Variants in MCTP1 observed in about 807,000 individuals in gnomAD.
MCTP1 encodes the protein multiple C2 and transmembrane domain containing 1.
A neutral mutation model predicts 120.6 loss-of-function variants in MCTP1; 69 were observed. The ratio of observed to expected loss-of-function variants is 0.57; its 90% CI spans 0.47 to 0.70. MCTP1 has a LOEUF of 0.70. Among genes scored for constraint, MCTP1 ranks in the 30% least tolerant of loss-of-function variants. The probability of loss-of-function intolerance (pLI) is 0.00; values close to 1 mark genes in which losing one functional copy is unlikely to be tolerated. For missense variants in MCTP1, 1,203 were observed against 1,248.8 expected, an observed-to-expected ratio of 0.96 and a Z score of 0.55; for synonymous variants, 529 against 493.1, an observed-to-expected ratio of 1.07 and a Z score of -0.96.
rs990995276 is a variant in MCTP1, at chr5:95,285,090, C to A, written c.-515G>T. 1.3e-5 allele frequency among the ~76,000 whole-genome samples: 2 copies of A among 152,166 alleles called. No individual in the cohort carries two copies. The highest frequency in any genetic ancestry group is 4.8e-5 in the African/African-American group (2 of 41,460). On this transcript the variant is annotated 5_prime_UTR_variant, in exon 1 of 23. Transcript: ENST00000515393. ...CGCACGCGGCTCACACAACAAGGCG[C>A]GTCTGGCTGGAGACTCCGGGGACCA...
chr5:94,812,742 C>T (rs984813726), intron 17 of MCTP1, among the ~76,000 whole-genome samples: 3 of 151,148 alleles, frequency 2.0e-5, no homozygotes, highest in African/African-American at 7.3e-5. Flanking sequence ...CATAGCACTC[C>T]AGCCTGAGCA....
intron 3 of MCTP1, among the ~76,000 whole-genome samples, chr5:94,951,705 A>G: frequency 6.6e-6 from 1 of 152,056 alleles, no homozygotes; most frequent in Non-Finnish European, 1.5e-5. Flanking sequence ...TATTACAAAG[A>G]TAATTCCTTT....
At chr5:94,828,989 G>T (rs1338644520) in intron 17 of MCTP1, among the ~76,000 whole-genome samples, 2 of 141,428 alleles carry the variant, frequency 1.4e-5, no homozygotes, top group African/African-American at 5.2e-5. Flanking sequence ...ACTGGGGTAT[G>T]AAAAAAACAA....
At chr5:95,056,189 A>G (rs980648993) in intron 1 of MCTP1, among the ~76,000 whole-genome samples, 1 of 152,232 alleles carries the variant, frequency 6.6e-6, no homozygotes, top group Non-Finnish European at 1.5e-5. Flanking sequence ...CACACATTTA[A>G]TATTCTAACT....
intron 1 of MCTP1, among the ~76,000 whole-genome samples, chr5:95,098,549 G>C (rs1372175627): frequency 6.6e-6 from 1 of 151,826 alleles, no homozygotes; most frequent in African/African-American, 2.4e-5. Flanking sequence ...AAATACCTAG[G>C]AATCCACCTT....
intron 12 of MCTP1, among the ~76,000 whole-genome samples, chr5:94,882,175 C>T (rs1279614382): frequency 1.3e-5 from 2 of 152,100 alleles, no homozygotes; most frequent in African/African-American, 4.8e-5. Flanking sequence ...GGATTGTATA[C>T]ATATACTGGT....
At chr5:95,224,885 AAAGTAC>A in intron 1 of MCTP1, among the ~76,000 whole-genome samples, 1 of 152,348 alleles carries the variant, frequency 6.6e-6, no homozygotes, top group South Asian at 2.1e-4. Context: ...TTCAAAGAGC[AAAGTAC>A]AAGTCTTTAA....
chr5:94,772,730 G>C (rs544660111), intron 19 of MCTP1, among the ~76,000 whole-genome samples: 1 of 152,182 alleles, frequency 6.6e-6, no homozygotes, highest in Non-Finnish European at 1.5e-5. Flanking sequence ...GGGGTGAAAG[G>C]TATATTCCCT....
chr5:94,876,962 T>G (rs1188308806), intron 12 of MCTP1, among the ~76,000 whole-genome samples: 1 of 151,930 alleles, frequency 6.6e-6, no homozygotes, highest in Non-Finnish European at 1.5e-5. Flanking sequence ...GCATGCACAG[T>G]TTAGAGGACA....
chr5:95,217,463 G>A (rs911789487), intron 1 of MCTP1, among the ~76,000 whole-genome samples: 4 of 152,084 alleles, frequency 2.6e-5, no homozygotes, highest in Non-Finnish European at 2.9e-5. Context: ...ATATTTCTTC[G>A]AATAAAGATG....
At chr5:94,977,892 C>T (rs762933704) in intron 2 of MCTP1, among the ~76,000 whole-genome samples, 5 of 151,892 alleles carry the variant, frequency 3.3e-5, no homozygotes, top group East Asian at 1.9e-4. Context: ...TCAATGATTG[C>T]GTGAGTATGA....
intron 1 of MCTP1, among the ~76,000 whole-genome samples, chr5:95,219,331 A>T (rs866695082): frequency 2.6e-5 from 4 of 151,482 alleles, no homozygotes; most frequent in Middle Eastern, 6.8e-3. Context: ...GCAGTGAGCC[A>T]AGATCGCGTC....
At chr5:94,799,674 G>C (rs936584762) in intron 17 of MCTP1, among the ~76,000 whole-genome samples, 4 of 152,036 alleles carry the variant, frequency 2.6e-5, no homozygotes, top group African/African-American at 4.8e-5. Flanking sequence ...AAAATGGTTG[G>C]CTTAATATTC....
chr5:95,250,130 C>T (rs767996102), intron 1 of MCTP1, among the ~76,000 whole-genome samples: 1 of 152,040 alleles, frequency 6.6e-6, no homozygotes, highest in Non-Finnish European at 1.5e-5. Flanking sequence ...ACGTTGTGCA[C>T]ATGTACCCTA....
At chr5:95,164,828 C>G (rs532668499) in intron 1 of MCTP1, among the ~76,000 whole-genome samples, 2 of 152,126 alleles carry the variant, frequency 1.3e-5, no homozygotes, top group East Asian at 3.9e-4. Context: ...TGGCCTAATA[C>G]AAGAAATCTG....
intron 1 of MCTP1, among the ~76,000 whole-genome samples, chr5:95,163,077 T>C (rs531751356): frequency 6.6e-6 from 1 of 152,356 alleles, no homozygotes; most frequent in East Asian, 1.9e-4. Context: ...GTCTTCTTTG[T>C]ATATGAATTT....
intron 2 of MCTP1, among the ~76,000 whole-genome samples, chr5:95,005,537 A>G (rs1194897229): frequency 1.3e-5 from 2 of 152,122 alleles, no homozygotes; most frequent in East Asian, 3.9e-4. Flanking sequence ...CGACTGAATC[A>G]TGGGGGCAGA....
chr5:95,086,634 G>A lies in MCTP1; in HGVS notation c.721-69150C>T, dbSNP rs1582218030. On this transcript the variant is annotated intron_variant, in intron 1 of 22. Transcript: ENST00000515393. Reference sequence around the variant, plus strand: ...TCTATTTTCCCAAACCAATAACTCAGAGATTAACCTTCATTTATTTAGAAT... The same window carrying A: ...TCTATTTTCCCAAACCAATAACTCAAAGATTAACCTTCATTTATTTAGAAT... 2.0e-5 allele frequency among the ~76,000 whole-genome samples: 3 copies of A among 152,240 alleles called. 1 individual carries two copies. The highest frequency in any genetic ancestry group is 2.0e-4 in the Admixed American group (3 of 15,282).
chr5:94,928,372 T>C, intron 6 of MCTP1, among the ~76,000 whole-genome samples: 1 of 152,172 alleles, frequency 6.6e-6, no homozygotes, highest in South Asian at 2.1e-4. Flanking sequence ...TTTGAGTTCA[T>C]GAAACTTTCT....
Sources: allele counts gnomAD v4.1 joint callset (sites outside exome capture counted in the v4.1 genomes callset), GRCh38; gene constraint gnomAD v4.1.1; transcripts MANE v1.5; gene names NCBI Gene and HGNC (gene_info 2026-07-23, HGNC 2026-07-21).